Variants in GPC5 observed in about 807,000 individuals in gnomAD.
GPC5 encodes the protein glypican 5, also known as glypican-5.
In GPC5, 47 loss-of-function variants were observed where a neutral mutation model predicts 53.9. The ratio of observed to expected loss-of-function variants is 0.87; its 90% CI spans 0.69 to 1.11. GPC5 has a LOEUF of 1.11. GPC5 is among the 50% of genes most tolerant of loss of function. GPC5 has a pLI of 0.00. For missense variants in GPC5, 748 were observed against 713.1 expected (o/e 1.05, Z -0.56); for synonymous variants, 286 against 263.3 (o/e 1.09, Z -0.84).
rs189058000 is a variant in GPC5, at chr13:91,471,811, G to A, written c.325+22889G>A. ...ATATAGAATTTACTCTTTCCTCCCTGTTCCTCTTGACCCTTTTGTTACCGA... is the reference window on the plus strand; with the variant it reads ...ATATAGAATTTACTCTTTCCTCCCTATTCCTCTTGACCCTTTTGTTACCGA... On this transcript the variant is annotated intron_variant, in intron 2 of 7. Coordinates refer to ENST00000377067, the MANE Select transcript of GPC5 (RefSeq NM_004466.6). 7.2e-5 allele frequency among the ~76,000 whole-genome samples: 11 copies of A among 151,970 alleles called. No homozygotes were observed. In the South Asian group the frequency reaches 1.2e-3, roughly 17 times the overall value.
intron 2 of GPC5, among the ~76,000 whole-genome samples, chr13:91,545,063 A>G (rs2030199068): frequency 1.3e-5 from 2 of 152,200 alleles, no homozygotes; most frequent in African/African-American, 4.8e-5. Context: ...GCAAGGAGGA[A>G]ATATTTGTGC....
At chr13:92,075,206 A>C (rs2041243187) in intron 6 of GPC5, among the ~76,000 whole-genome samples, 1 of 152,218 alleles carries the variant, frequency 6.6e-6, no homozygotes, top group South Asian at 2.1e-4. Context: ...AACATGTGAC[A>C]TACTGTATGT....
At chr13:91,836,849 G>T (rs537767887) in intron 5 of GPC5, among the ~76,000 whole-genome samples, 24 of 151,278 alleles carry the variant, frequency 1.6e-4, no homozygotes, top group African/African-American at 5.3e-4. Flanking sequence ...AACCTTAAAA[G>T]TATAATTATG....
At chr13:91,911,952 G>A (rs1312523307) in intron 6 of GPC5, among the ~76,000 whole-genome samples, 1 of 152,134 alleles carries the variant, frequency 6.6e-6, no homozygotes, top group Non-Finnish European at 1.5e-5. Context: ...ATGCTTATTA[G>A]ATACCCAAGA....
intron 2 of GPC5, among the ~76,000 whole-genome samples, chr13:91,681,013 T>A (rs1395974148): frequency 6.6e-6 from 1 of 152,160 alleles, no homozygotes; most frequent in African/African-American, 2.4e-5. Context: ...AAATAATACA[T>A]ACGAATAATA....
chr13:92,158,767 C>T (rs77181760), intron 7 of GPC5, among the ~76,000 whole-genome samples: 6,571 of 152,204 alleles, frequency 0.043, 274 homozygotes, highest in African/African-American at 0.1. Flanking sequence ...TATTTTAAAA[C>T]TGTTTTTTGC....
At chr13:92,107,286 T>G (rs2041517643) in intron 6 of GPC5, among the ~76,000 whole-genome samples, 2 of 152,120 alleles carry the variant, frequency 1.3e-5, no homozygotes, top group East Asian at 3.8e-4. Context: ...TTTGTTATTT[T>G]TATCAAAACA....
intron 7 of GPC5, among the ~76,000 whole-genome samples, chr13:92,263,830 A>G (rs1183132584): frequency 1.3e-5 from 2 of 152,294 alleles, no homozygotes; most frequent in East Asian, 1.9e-4. Context: ...GATTGAGGTA[A>G]GTGACTAGCA....
chr13:92,385,389 T>TACATATATAC, intron 7 of GPC5, among the ~76,000 whole-genome samples: 1 of 70,424 alleles, frequency 1.4e-5, no homozygotes, highest in Middle Eastern at 7.1e-3. Flanking sequence ...TACATATATA[T>TACATATATAC]ACATATATAC....
intron 7 of GPC5, among the ~76,000 whole-genome samples, chr13:92,612,954 C>A (rs1884488868): frequency 6.6e-6 from 1 of 151,762 alleles, no homozygotes; most frequent in East Asian, 1.9e-4. Flanking sequence ...ATGTATTAAT[C>A]CTTATAACAC....
intron 7 of GPC5, among the ~76,000 whole-genome samples, chr13:92,526,581 T>C (rs1382797540): frequency 6.6e-6 from 1 of 151,780 alleles, no homozygotes; most frequent in African/African-American, 2.4e-5. Flanking sequence ...TGGGAAGACA[T>C]AGAAGGATTT....
chr13:92,856,442 C>T (rs554267286), intron 7 of GPC5, among the ~76,000 whole-genome samples: 17 of 152,018 alleles, frequency 1.1e-4, no homozygotes, highest in South Asian at 2.1e-4. Context: ...CAAGACAAAA[C>T]GTCTACTCTC....
chr13:91,648,948 C>T (rs2034629225), intron 2 of GPC5, among the ~76,000 whole-genome samples: 1 of 152,102 alleles, frequency 6.6e-6, no homozygotes, highest in Admixed American at 6.5e-5. Flanking sequence ...ATTGTAGTTC[C>T]CATAATCCCC....
chr13:92,776,399 T>C (rs1412546776), intron 7 of GPC5, among the ~76,000 whole-genome samples: 3 of 152,158 alleles, frequency 2.0e-5, no homozygotes, highest in African/African-American at 7.2e-5. Context: ...CTTTCCATTA[T>C]AAAAACCCCT....
chr13:91,563,972 G>A (rs2031409186), intron 2 of GPC5, among the ~76,000 whole-genome samples: 1 of 152,120 alleles, frequency 6.6e-6, no homozygotes, highest in Admixed American at 6.5e-5. Context: ...TTGGAAGTGA[G>A]TGTTTCGCCT....
At chr13:92,075,875 A>T (rs1335352133) in intron 6 of GPC5, among the ~76,000 whole-genome samples, 2 of 152,202 alleles carry the variant, frequency 1.3e-5, no homozygotes, top group Non-Finnish European at 2.9e-5. Context: ...AAAATTAATT[A>T]AGCTTTAAAT....
intron 3 of GPC5, among the ~76,000 whole-genome samples, chr13:91,719,194 G>A (rs568157473): frequency 2.0e-5 from 3 of 152,214 alleles, no homozygotes; most frequent in Admixed American, 2.0e-4. Context: ...TCAATAGCAC[G>A]TGTTCTAGAA....
At chr13:91,691,094 T>C (rs1012974020) in intron 2 of GPC5, among the ~76,000 whole-genome samples, 3 of 152,218 alleles carry the variant, frequency 2.0e-5, no homozygotes, top group Non-Finnish European at 4.4e-5. Flanking sequence ...AGAGATTCAA[T>C]TCCGTTTTCA....
intron 6 of GPC5, among the ~76,000 whole-genome samples, chr13:92,065,053 C>T (rs2041157362): frequency 1.3e-5 from 2 of 152,080 alleles, no homozygotes; most frequent in African/African-American, 4.8e-5. Flanking sequence ...AAGAAGCTCT[C>T]AGATCAGTGT....
Sources: gnomAD v4.1 joint callset for allele counts (sites outside exome capture counted in the v4.1 genomes callset) on GRCh38, gnomAD v4.1.1 for gene constraint, MANE v1.5 for transcripts, NCBI Gene and HGNC (gene_info 2026-07-23, HGNC 2026-07-21) for gene names.